SNPH: variants seen among roughly 807,000 people sequenced by gnomAD.
The protein encoded by SNPH is syntaphilin.
A neutral mutation model predicts 36.8 loss-of-function variants in SNPH; 10 were observed. The observed-to-expected ratio is 0.27, with a 90% CI of 0.17 to 0.46. The LOEUF is 0.46. Among genes scored for constraint, SNPH ranks in the 20% least tolerant of loss-of-function variants. The probability of loss-of-function intolerance (pLI) is 1.00; values close to 1 mark genes in which losing one functional copy is unlikely to be tolerated. For missense variants in SNPH, 622 were observed against 744.0 expected, an observed-to-expected ratio of 0.84 and a Z score of 1.91; for synonymous variants, 281 against 312.2, an observed-to-expected ratio of 0.90 and a Z score of 1.05.
At chr20:1,296,530 C>T (rs780005328) in intron 4 of SNPH, 109 bp downstream of exon 4, 39 of 919,216 alleles carry the variant, frequency 4.2e-5, no homozygotes, top group Non-Finnish European at 6.4e-5. Context: ...CAAATCATTT[C>T]CCATTCCCAT....
intron 2 of SNPH, among the ~76,000 whole-genome samples, chr20:1,272,143 G>T (rs900862925): frequency 6.6e-6 from 1 of 152,166 alleles, no homozygotes; most frequent in African/African-American, 2.4e-5. Flanking sequence ...AAAACTCACT[G>T]CATTGTCTGT....
rs2088012493 is a variant in SNPH at position 1,266,869 on chromosome 20, AAG to A, written c.-493+112_-493+113del. The stretch of plus-strand genomic sequence containing the variant: ...AGAATCCCTTGGAGGGCACCAGCCT[AAG>A]AGGGGTTAATCGTGACTCATTCTTA... On this transcript the variant is annotated intron_variant, in intron 2 of 6. Transcript: ENST00000381867. The surrounding 1 kb of genome is among the most constrained non-coding windows in gnomAD (Gnocchi z 6.0). 1.6e-6 allele frequency: 2 copies of A among 1,263,258 alleles called. No individual in the cohort carries two copies. The highest frequency in any genetic ancestry group is 1.6e-5 in the African/African-American group (1 of 64,174). 78.3% of individuals were successfully genotyped at this position (1,263,258 alleles called of 1,614,324 possible). A position where few individuals can be genotyped will look rare whatever the true frequency, so the allele number is the denominator to read the frequency against.
chr20:1,283,794 T>C (rs543430018), intron 2 of SNPH, among the ~76,000 whole-genome samples: 1 of 152,218 alleles, frequency 6.6e-6, no homozygotes, highest in East Asian at 1.9e-4. Context: ...CTGGGCAGAA[T>C]AGGACCCGGG....
At chr20:1,291,057 A>C (rs1006490043) in intron 2 of SNPH, among the ~76,000 whole-genome samples, 1 of 152,260 alleles carries the variant, frequency 6.6e-6, no homozygotes, top group African/African-American at 2.4e-5. Context: ...CACCCCTCCC[A>C]GTAGGTGCAG....
chr20:1,278,877 G>A (rs1433828532), intron 2 of SNPH, among the ~76,000 whole-genome samples: 2 of 152,104 alleles, frequency 1.3e-5, no homozygotes, highest in African/African-American at 4.8e-5. Context: ...TAGAGACAGG[G>A]TTTCACCATC....
chr20:1,283,395 G>T (rs192692534), intron 2 of SNPH, among the ~76,000 whole-genome samples: 107 of 152,188 alleles, frequency 7.0e-4, no homozygotes, highest in African/African-American at 2.4e-3. Context: ...CCAGAAAAGA[G>T]ACTCCAAGCT....
chr20:1,296,479 G>A (rs374119363), intron 4 of SNPH, 58 bp downstream of exon 4: 10 of 1,459,434 alleles, frequency 6.9e-6, no homozygotes, highest in Non-Finnish European at 9.3e-6. Context: ...GGGCGCACGG[G>A]CCTCTCTCTA....
Position 1,300,691 on chromosome 20 carries a change from A to G in SNPH, c.420A>G (p.Thr140=), listed in dbSNP as rs768822224. 3 of 1,611,950 alleles carry G rather than the reference A, an allele frequency of 1.9e-6. No homozygotes were observed. Among genetic ancestry groups the G allele is most frequent in the Admixed American group, 1.7e-5 (1 of 59,994 alleles). ...ACCTGAAAGCCCGGCTGAAGGACAC[A>G]CAGGACCGGCTCCAGGACCGGTGAG... ...IRHLKARLKD[T]QDRLQDRDTE... Residue 140 remains threonine (T), a synonymous_variant, in exon 6 of 7, where the codon ACA becomes ACG. Coordinates refer to ENST00000381867, the MANE Select transcript of SNPH (RefSeq NM_001318234.2).
At position 1,307,614 on chromosome 20, in the gene SNPH, T is replaced by A. The variant is rs555262515; in HGVS notation, c.*1560T>A. On this transcript the variant is annotated 3_prime_UTR_variant, in exon 7 of 7. Coordinates refer to ENST00000381867, the MANE Select transcript of SNPH (RefSeq NM_001318234.2). ...CCAAGGTTGCTTGCCCTCACCCCAA[T>A]GCTCCAACAGCCATTGCCTAACTCA... 6.5e-6 allele frequency: 1 copy of A among 152,748 alleles called. No individual in the cohort carries two copies. Among genetic ancestry groups the A allele is most frequent in the East Asian group, 1.9e-4 (1 of 5,194 alleles). The allele number at this position is 152,748 out of a possible 1,614,324, so 9.5% of individuals were successfully genotyped here.
At chr20:1,297,305 C>A in intron 5 of SNPH, 53 bp downstream of exon 5, 4 of 1,564,240 alleles carry the variant, frequency 2.6e-6, no homozygotes, top group Non-Finnish European at 2.6e-6. Context: ...AACAGGTTGT[C>A]CTGGGGTGGG....
chr20:1,305,075 A>G lies in SNPH; in HGVS notation c.638A>G (p.Asp213Gly). 1.2e-6 allele frequency: 2 copies of G among 1,614,082 alleles called. No individual in the cohort carries two copies. The highest frequency in any genetic ancestry group is 1.7e-6 in the Non-Finnish European group (2 of 1,180,048). ...AAGGGGCTGCAGAAGTACTTCGTGG[A>G]CATCAACATCCAGAACAAGAAGCTG... The part of the protein sequence containing the change: ...KDKGLQKYFV[D>G]INIQNKKLET... The change falls in exon 7 of 7, where the codon GAC becomes GGC. Residue 213 changes from aspartate (D) to glycine (G), a missense_variant. Transcript: ENST00000381867.
chr20:1,305,479 G>A lies in SNPH; in HGVS notation c.1042G>A (p.Val348Met). The change falls in exon 7 of 7, where the codon GTG (valine) becomes ATG (methionine). Residue 348 changes from valine (V) to methionine (M), a missense_variant. By Grantham distance (21) the Val-to-Met change is conservative. This residue lies in a region of SNPH where 379 missense variants were observed against 427.9 expected (regional missense o/e 0.89). Transcript: ENST00000381867. The part of the protein sequence containing the change: ...EKLLCGMEAG[V>M]QASCMQERAI... ...GCTGCTGTGTGGCATGGAGGCTGGT[G>A]TGCAGGCCAGCTGCATGCAGGAGCG... 6.2e-7 allele frequency: 1 copy of A among 1,613,248 alleles called. No individual in the cohort carries two copies. The highest frequency in any genetic ancestry group is 8.5e-7 in the Non-Finnish European group (1 of 1,180,042).
In SNPH at chr20:1,285,761, G is replaced by C. The variant is rs1451700560; in HGVS notation, c.-492-9190G>C. 2.6e-5 allele frequency among the ~76,000 whole-genome samples: 4 copies of C among 152,150 alleles called. No individual in the cohort carries two copies. The highest frequency in any genetic ancestry group is 5.9e-5 in the Non-Finnish European group (4 of 68,040). The stretch of plus-strand genomic sequence containing the variant: ...TCAAGCCGTGGTTTCTTTCTGTCGG[G>C]TTAGTCTGCCTGTCAGCAAAAGGGG... On this transcript the variant is annotated intron_variant, in intron 2 of 6. Coordinates refer to ENST00000381867, the MANE Select transcript of SNPH (RefSeq NM_001318234.2). The surrounding 1 kb of genome is among the most constrained non-coding windows in gnomAD (Gnocchi z 4.9).
At chr20:1,290,776 T>G (rs1199584752) in intron 2 of SNPH, among the ~76,000 whole-genome samples, 1 of 152,188 alleles carries the variant, frequency 6.6e-6, no homozygotes, top group Non-Finnish European at 1.5e-5. Flanking sequence ...CCAAACTGTT[T>G]TCCATAGCAG....
Position 1,294,597 on chromosome 20 carries a change from C to T in SNPH, c.-492-354C>T, listed in dbSNP as rs1321263184. ...GTCGGCAGGTCCTGCAGCCCAGCAC[C>T]CGACACCTCCAGGCAGACAATGCTG... On this transcript the variant is annotated intron_variant, in intron 2 of 6. Transcript: ENST00000381867. This position sits in a 1 kb window ranked among gnomAD's most constrained non-coding sequence, Gnocchi z 4.4. Among the ~76,000 whole-genome samples the T allele has an allele frequency of 6.6e-6, 1 of 152,196 alleles. No individual in the cohort carries two copies. Among genetic ancestry groups the T allele is most frequent in the Non-Finnish European group, 1.5e-5 (1 of 68,028 alleles).
At position 1,305,504 on chromosome 20, in the gene SNPH, G is replaced by T; in HGVS notation, c.1067G>T (p.Arg356Leu). The T allele has an allele frequency of 6.2e-7, 1 of 1,613,232 alleles. No homozygotes were observed. Among genetic ancestry groups the T allele is most frequent in the Non-Finnish European group, 8.5e-7 (1 of 1,179,992 alleles). Residue 356 changes from arginine (R) to leucine (L), a missense_variant, in exon 7 of 7, where the codon CGT (arginine) becomes CTT (leucine). Coordinates refer to ENST00000381867, the MANE Select transcript of SNPH (RefSeq NM_001318234.2). ...GTGCAGGCCAGCTGCATGCAGGAGC[G>T]TGCCATCCAGACAGACTTCGTGCAG... ...AGVQASCMQE[R>L]AIQTDFVQYQ...
Position 1,305,006 on chromosome 20 carries a change from A to G in SNPH, c.569A>G (p.Lys190Arg). 2.5e-6 allele frequency: 4 copies of G among 1,614,096 alleles called. No homozygotes were observed. The highest frequency in any genetic ancestry group is 3.4e-6 in the Non-Finnish European group (4 of 1,180,044). The change falls in exon 7 of 7, where the codon AAG becomes AGG. Residue 190 changes from lysine to arginine, a missense_variant. Transcript: ENST00000381867. ...GCCCGAAAGGAGATCAAGCAGCTCA[A>G]GCAGGTCATCGACACTGTCAAGAAC... ...KEARKEIKQL[K>R]QVIDTVKNNL...
At chr20:1,268,011 G>A (rs963900066) in intron 2 of SNPH, among the ~76,000 whole-genome samples, 1 of 152,232 alleles carries the variant, frequency 6.6e-6, no homozygotes, top group African/African-American at 2.4e-5. Flanking sequence ...TGGGAGATAG[G>A]CTGGGGGAAG....
intron 5 of SNPH, among the ~76,000 whole-genome samples, chr20:1,299,951 C>CCTGT (rs1237148414): frequency 6.6e-6 from 1 of 152,202 alleles, no homozygotes; most frequent in Non-Finnish European, 1.5e-5. Flanking sequence ...GTCTGCCCTC[C>CCTGT]CTGTCCCCAG....
Sources: gnomAD v4.1 joint callset for allele counts (sites outside exome capture counted in the v4.1 genomes callset) on GRCh38, gnomAD v4.1.1 for gene constraint, gnomAD v4.1.1 regional missense constraint, Gnocchi (gnomAD v3.1) non-coding constraint, MANE v1.5 for transcripts, NCBI Gene and HGNC (gene_info 2026-07-23, HGNC 2026-07-21) for gene names.